CATSPER2: variants seen among roughly 807,000 people sequenced by gnomAD.
CATSPER2 encodes the protein cation channel sperm associated 2.
Under a neutral mutation model 68.8 loss-of-function variants are expected in CATSPER2, and 56 were observed. The ratio of observed to expected loss-of-function variants is 0.81; its 90% CI spans 0.66 to 1.02. The LOEUF is 1.02. Among genes scored for constraint, CATSPER2 ranks in the 50% least tolerant of loss-of-function variants. The probability of loss-of-function intolerance (pLI) is 0.00; values close to 1 mark genes in which losing one functional copy is unlikely to be tolerated. For missense variants in CATSPER2, 582 were observed against 642.0 expected (o/e 0.91, Z 1.01); for synonymous variants, 198 against 229.9 (o/e 0.86, Z 1.26).
At chr15:43,647,880 T>C (rs1595986162) in intron 2 of CATSPER2, 37 bp downstream of exon 2, 1 of 1,605,682 alleles carries the variant, frequency 6.2e-7, no homozygotes. Context: ...TGGATAGGAG[T>C]CTTAAATTTA....
intron 5 of CATSPER2, chr15:43,640,079 G>T (rs2086045676): frequency 7.0e-7 from 1 of 1,438,176 alleles, no homozygotes; most frequent in Admixed American, 2.7e-5. Flanking sequence ...ATAATGCTTG[G>T]CACTTAGTAA....
chr15:43,639,232 C>G (rs2086025331), intron 6 of CATSPER2, among the ~76,000 whole-genome samples: 1 of 151,058 alleles, frequency 6.6e-6, no homozygotes, highest in Non-Finnish European at 1.5e-5. Context: ...TTTGACCCAC[C>G]CAGATTTCTT....
intron 12 of CATSPER2, among the ~76,000 whole-genome samples, 196 bp from the exon 13 acceptor site, chr15:43,630,928 T>C (rs1022116573): frequency 1.3e-5 from 2 of 152,008 alleles, no homozygotes; most frequent in African/African-American, 4.8e-5. Context: ...CTTGCTGCAT[T>C]TTCCTCCTTT....
chr15:43,636,649 C>G (rs1456419127), intron 7 of CATSPER2, among the ~76,000 whole-genome samples: 1 of 151,582 alleles, frequency 6.6e-6, no homozygotes, highest in Non-Finnish European at 1.5e-5. Flanking sequence ...TCTCAGCCTC[C>G]CAAAGTGCTA....
chr15:43,639,253 T>A lies in CATSPER2; in HGVS notation c.718-225A>T, dbSNP rs190298483. Among the ~76,000 whole-genome samples the A allele has an allele frequency of 6.1e-3, 900 of 148,294 alleles. 15 individuals are homozygous for A. Among genetic ancestry groups the A allele is most frequent in the African/African-American group, 0.017 (640 of 38,368 alleles). On this transcript the variant is annotated intron_variant, in intron 6 of 12. Coordinates refer to ENST00000396879, the MANE Select transcript of CATSPER2 (RefSeq NM_172095.4). The stretch of plus-strand genomic sequence containing the variant: ...CCACCCAGATTTCTTTCATATATTT[T>A]TTTTTTTTTTAGACGGAGTTTCACT...
intron 4 of CATSPER2, among the ~76,000 whole-genome samples, chr15:43,644,170 T>C (rs1193906214): frequency 1.3e-5 from 2 of 151,988 alleles, no homozygotes; most frequent in Non-Finnish European, 2.9e-5. Flanking sequence ...CAGATTTTTT[T>C]AAAGCCCTAA....
chr15:43,635,127 T>G (rs1275839848), intron 10 of CATSPER2: 3 of 583,632 alleles, frequency 5.1e-6, no homozygotes, highest in Non-Finnish European at 9.4e-6. Context: ...TCTAGGATGA[T>G]CTCATCTCAA....
chr15:43,646,901 G>C (rs1392851987), intron 4 of CATSPER2, 149 bp downstream of exon 4: 2 of 700,290 alleles, frequency 2.9e-6, no homozygotes, highest in Admixed American at 2.2e-5. Flanking sequence ...TTTTTTAGTA[G>C]AGACAGGGTT....
At chr15:43,636,300 C>G (rs1372881270) in intron 7 of CATSPER2, 81 bp from the exon 8 acceptor site, 1 of 1,547,486 alleles carries the variant, frequency 6.5e-7, no homozygotes, top group East Asian at 2.3e-5. Context: ...TTTAAAGAAA[C>G]ATAAAGCATT....
At position 43,642,203 on chromosome 15, in the gene CATSPER2, G is replaced by A. The variant is rs557378544; in HGVS notation, c.389-1707C>T. Among the ~76,000 whole-genome samples, 7 of 151,386 alleles carry A rather than the reference G, an allele frequency of 4.6e-5. No individual in the cohort carries two copies. In the South Asian group the frequency reaches 1.5e-3, roughly 32 times the overall value. ...CAACCTCCGCCTCCTGGGTTCAAGC[G>A]ATTCTCCTGCCTCAGCCTCCCAAGT... On this transcript the variant is annotated intron_variant, in intron 4 of 12. Transcript: ENST00000396879.
At chr15:43,646,618 G>A (rs1388420820) in intron 4 of CATSPER2, among the ~76,000 whole-genome samples, 2 of 150,994 alleles carry the variant, frequency 1.3e-5, no homozygotes, top group East Asian at 3.9e-4. Flanking sequence ...TAATATAATT[G>A]TCCTTAATAT....
At position 43,632,201 on chromosome 15, in the gene CATSPER2, G is replaced by A. The variant is rs760413368; in HGVS notation, c.1559C>T (p.Ala520Val). ...CCATGACTGCCCTAACTCCATACCT[G>A]CAAACTCTTGTAACTTCTTACGTTC... Reference protein sequence around the residue: ...LEERKKLQEFAVQALMNLEDK With the variant: ...LEERKKLQEFVVQALMNLEDK Residue 520 changes from alanine (A) to valine (V), a missense_variant and splice_region_variant, in exon 12 of 13, where the codon GCA (alanine) becomes GTA (valine). Around this residue, in one of 5 missense-constraint regions of CATSPER2, gnomAD observed 235 missense variants for 264.2 expected, o/e 0.89. Transcript: ENST00000396879. 10 of 1,613,296 alleles carry A rather than the reference G, an allele frequency of 6.2e-6. 1 individual carries two copies. The highest frequency in any genetic ancestry group is 1.6e-4 in the Middle Eastern group (1 of 6,062).
intron 12 of CATSPER2, among the ~76,000 whole-genome samples, chr15:43,631,827 C>T (rs868134776): frequency 2.0e-5 from 3 of 151,926 alleles, no homozygotes; most frequent in South Asian, 2.1e-4. Flanking sequence ...GTCTGAAATG[C>T]AATCTTCAGA....
At position 43,648,704 on chromosome 15, in the gene CATSPER2, C is replaced by A. The variant is rs2086220280; in HGVS notation, c.-78G>T. On this transcript the variant is annotated 5_prime_UTR_variant, in exon 1 of 13. Coordinates refer to ENST00000396879, the MANE Select transcript of CATSPER2 (RefSeq NM_172095.4). ...TCCAGCTCAGGTGCCCCGAGCCTGG[C>A]TACCCCTATGCAAGACGAGCTCAGG... The A allele has an allele frequency of 2.7e-6, 4 of 1,474,844 alleles. No homozygotes were observed. In the South Asian group the frequency reaches 5.2e-5, roughly 19 times the overall value. 91.4% of individuals were successfully genotyped at this position (1,474,844 alleles called of 1,614,324 possible). A position where few individuals can be genotyped will look rare whatever the true frequency, so the allele number is the denominator to read the frequency against.
chr15:43,648,364 C>T (rs1355063026), intron 1 of CATSPER2, among the ~76,000 whole-genome samples: 2 of 151,900 alleles, frequency 1.3e-5, no homozygotes, highest in African/African-American at 2.4e-5. Flanking sequence ...ACAAAAACAC[C>T]GCAAGAAAAA....
intron 2 of CATSPER2, 96 bp downstream of exon 2, chr15:43,647,821 C>G (rs1225375452): frequency 2.2e-6 from 3 of 1,363,964 alleles, no homozygotes; most frequent in African/African-American, 1.4e-5. Flanking sequence ...GTTTGGTAAA[C>G]CAGCAACTAA....
At chr15:43,643,942 G>A (rs1379833370) in intron 4 of CATSPER2, among the ~76,000 whole-genome samples, 1 of 151,762 alleles carries the variant, frequency 6.6e-6, no homozygotes, top group African/African-American at 2.4e-5. Context: ...TCAATCTCCT[G>A]GCCTCAAGTG....
At chr15:43,646,116 T>C (rs561858801) in intron 4 of CATSPER2, among the ~76,000 whole-genome samples, 2 of 151,932 alleles carry the variant, frequency 1.3e-5, no homozygotes, top group South Asian at 2.1e-4. Flanking sequence ...CCAATATCTT[T>C]AACAGAAAAG....
intron 5 of CATSPER2, chr15:43,640,078 G>A: frequency 7.0e-7 from 1 of 1,432,570 alleles, no homozygotes; most frequent in Non-Finnish European, 9.2e-7. Flanking sequence ...AATAATGCTT[G>A]GCACTTAGTA....
Sources: gnomAD v4.1 joint callset for allele counts (sites outside exome capture counted in the v4.1 genomes callset) on GRCh38, gnomAD v4.1.1 for gene constraint, gnomAD v4.1.1 regional missense constraint, MANE v1.5 for transcripts, NCBI Gene and HGNC (gene_info 2026-07-23, HGNC 2026-07-21) for gene names.